Variants in UBE2R2 observed in about 807,000 individuals in gnomAD.
UBE2R2 encodes ubiquitin conjugating enzyme E2 R2.
In UBE2R2, 1 loss-of-function variant was observed where a neutral mutation model predicts 27.8. The observed-to-expected ratio is 0.04, with a 90% confidence interval of 0.01 to 0.17. The LOEUF (loss-of-function observed/expected upper bound fraction) is 0.17, where lower values mean the gene tolerates loss of function less well. Ranked by LOEUF, UBE2R2 falls within the 10% of genes least tolerant of loss-of-function variation. The pLI, the probability that UBE2R2 is intolerant of heterozygous loss-of-function variation, is 1.00. For synonymous variants in UBE2R2, 106 were observed against 113.3 expected, an observed-to-expected ratio of 0.94 and a Z score of 0.41; for missense variants, 100 against 291.0, an observed-to-expected ratio of 0.34 and a Z score of 4.78.
chr9:33,919,910 A>G lies in UBE2R2; in HGVS notation c.*2673A>G, dbSNP rs979677094. On this transcript the variant is annotated 3_prime_UTR_variant, in exon 5 of 5. Coordinates refer to ENST00000263228, the MANE Select transcript of UBE2R2 (RefSeq NM_017811.4). ...GTATTTTGAGGCTGGGTGGAGAAGT[A>G]TATGATTCTGCTGTTGATTCTTTCA... 2.6e-5 allele frequency: 4 copies of G among 152,192 alleles called. No homozygotes were observed. Among genetic ancestry groups the G allele is most frequent in the African/African-American group, 9.7e-5 (4 of 41,432 alleles). 9.4% of individuals were successfully genotyped at this position (152,192 alleles called of 1,614,324 possible).
At chr9:33,844,902 G>A (rs1820808947) in intron 1 of UBE2R2, among the ~76,000 whole-genome samples, 1 of 151,904 alleles carries the variant, frequency 6.6e-6, no homozygotes, top group Non-Finnish European at 1.5e-5. Flanking sequence ...GAGTAGCTGG[G>A]ATTACAGGCG....
intron 1 of UBE2R2, among the ~76,000 whole-genome samples, chr9:33,878,056 C>A (rs778686140): frequency 8.5e-5 from 13 of 152,116 alleles, no homozygotes; most frequent in Non-Finnish European, 1.5e-4. Flanking sequence ...TGCACCCATC[C>A]ACCTATTTAT....
chr9:33,851,991 C>A (rs558329029), intron 1 of UBE2R2, among the ~76,000 whole-genome samples: 1 of 152,100 alleles, frequency 6.6e-6, no homozygotes, highest in African/African-American at 2.4e-5. Context: ...AGTAAGACTC[C>A]ACCGTAATGA....
upstream of UBE2R2, among the ~76,000 whole-genome samples, chr9:33,815,464 G>T (rs2119225530): frequency 6.6e-6 from 1 of 152,298 alleles, no homozygotes; most frequent in Admixed American, 6.5e-5. Flanking sequence ...ACTGTCCTTG[G>T]CTGGGCACAG....
At chr9:33,858,575 G>A (rs746349157) in intron 1 of UBE2R2, among the ~76,000 whole-genome samples, 15 of 151,876 alleles carry the variant, frequency 9.9e-5, no homozygotes, top group Non-Finnish European at 1.9e-4. Flanking sequence ...CTGGCTTTTT[G>A]TATTTTGCTA....
intron 2 of UBE2R2, among the ~76,000 whole-genome samples, chr9:33,889,325 C>T (rs989375110): frequency 7.9e-5 from 12 of 152,166 alleles, no homozygotes; most frequent in African/African-American, 2.9e-4. Flanking sequence ...TGTTTTGTTG[C>T]ATCTTTATGG....
intron 2 of UBE2R2, 133 bp downstream of exon 2, chr9:33,887,100 C>A: frequency 1.4e-6 from 1 of 692,980 alleles, no homozygotes; most frequent in Non-Finnish European, 2.4e-6. Context: ...TTTTGCACTT[C>A]AGTTAACAGT....
intron 4 of UBE2R2, among the ~76,000 whole-genome samples, chr9:33,915,121 C>G (rs1318600065): frequency 6.8e-6 from 1 of 146,456 alleles, no homozygotes; most frequent in Non-Finnish European, 1.5e-5. Flanking sequence ...CAGTGGGAGA[C>G]CTTGTCTCAA....
At chr9:33,819,074 C>T (rs1157084056) in intron 1 of UBE2R2, among the ~76,000 whole-genome samples, 1 of 151,866 alleles carries the variant, frequency 6.6e-6, no homozygotes, top group Non-Finnish European at 1.5e-5. Flanking sequence ...ATGATGGGGG[C>T]AGAGAGAGGA....
chr9:33,870,753 G>A (rs1042673272), intron 1 of UBE2R2, among the ~76,000 whole-genome samples: 1 of 152,176 alleles, frequency 6.6e-6, no homozygotes, highest in Non-Finnish European at 1.5e-5. Context: ...TCACAACTGA[G>A]TGAAGTGATA....
intron 1 of UBE2R2, among the ~76,000 whole-genome samples, chr9:33,829,793 G>GT (rs36079457): frequency 0.31 from 29,768 of 96,624 alleles, 4,001 homozygotes; most frequent in South Asian, 0.41. Flanking sequence ...TAGTGCAATC[G>GT]TTTTTTTTTT....
At chr9:33,826,858 A>G (rs1178960517) in intron 1 of UBE2R2, among the ~76,000 whole-genome samples, 1 of 152,168 alleles carries the variant, frequency 6.6e-6, no homozygotes, top group Non-Finnish European at 1.5e-5. Flanking sequence ...AGAGGTGGGC[A>G]GATCACCTGA....
chr9:33,894,146 A>G (rs1207246569), intron 2 of UBE2R2, among the ~76,000 whole-genome samples: 2 of 152,070 alleles, frequency 1.3e-5, no homozygotes, highest in Non-Finnish European at 2.9e-5. Flanking sequence ...TTTTCTTTAA[A>G]AAAGGCTAGG....
At chr9:33,900,358 CAT>C in intron 3 of UBE2R2, 87 bp downstream of exon 3, 1 of 950,538 alleles carries the variant, frequency 1.1e-6, no homozygotes, top group Non-Finnish European at 1.6e-6. Context: ...TGTCTTTTAA[CAT>C]GTAAAAAATC....
intron 1 of UBE2R2, among the ~76,000 whole-genome samples, chr9:33,853,110 A>T (rs1464272130): frequency 6.6e-6 from 1 of 151,896 alleles, no homozygotes; most frequent in East Asian, 1.9e-4. Context: ...CATGTGGATG[A>T]TTTGTGTAGG....
intron 3 of UBE2R2, among the ~76,000 whole-genome samples, chr9:33,910,482 A>G (rs1297781157): frequency 2.0e-5 from 3 of 151,950 alleles, no homozygotes; most frequent in African/African-American, 7.3e-5. Context: ...TTATTCCCTG[A>G]TTATTTGGAA....
At chr9:33,847,352 C>A (rs1327577442) in intron 1 of UBE2R2, among the ~76,000 whole-genome samples, 1 of 152,190 alleles carries the variant, frequency 6.6e-6, no homozygotes, top group Non-Finnish European at 1.5e-5. Flanking sequence ...GCTTCAGCCT[C>A]CCAAAGTGCT....
intron 1 of UBE2R2, among the ~76,000 whole-genome samples, chr9:33,851,348 TTAA>T (rs1027409661): frequency 7.2e-5 from 11 of 152,350 alleles, no homozygotes; most frequent in African/African-American, 2.6e-4. Flanking sequence ...AATTATGAAG[TTAA>T]TAATTCTCAG....
intron 2 of UBE2R2, among the ~76,000 whole-genome samples, chr9:33,897,442 C>T (rs371072658): frequency 5.4e-5 from 8 of 148,890 alleles, no homozygotes; most frequent in East Asian, 2.0e-4. Flanking sequence ...CTCAGCCTCC[C>T]GAGTAGCTGG....
Sources: gnomAD v4.1 joint callset for allele counts (sites outside exome capture counted in the v4.1 genomes callset) on GRCh38, gnomAD v4.1.1 for gene constraint, MANE v1.5 for transcripts, NCBI Gene and HGNC (gene_info 2026-07-23, HGNC 2026-07-21) for gene names.